Variants in ARHGAP24 observed in about 807,000 individuals in gnomAD.
The protein encoded by ARHGAP24 is Rho GTPase activating protein 24.
ARHGAP24 carries 50 observed loss-of-function variants against 76.4 expected under a neutral mutation model. The ratio of observed to expected loss-of-function variants is 0.65; its 90% CI spans 0.52 to 0.83. The LOEUF (loss-of-function observed/expected upper bound fraction) is 0.83, where lower values mean the gene tolerates loss of function less well. Ranked by LOEUF, ARHGAP24 falls within the 40% of genes least tolerant of loss-of-function variation. The pLI, the probability that ARHGAP24 is intolerant of heterozygous loss-of-function variation, is 0.00. For synonymous variants in ARHGAP24, 345 were observed against 323.3 expected (o/e 1.07, Z -0.72); for missense variants, 930 against 914.2 (o/e 1.02, Z -0.22).
intron 2 of ARHGAP24, among the ~76,000 whole-genome samples, chr4:85,573,377 A>C (rs1406472725): frequency 6.6e-6 from 1 of 152,166 alleles, no homozygotes; most frequent in African/African-American, 2.4e-5. Flanking sequence ...TGAGTGGCCT[A>C]ATTTCTTCCC....
chr4:85,608,296 A>G lies in ARHGAP24; in HGVS notation c.180+37575A>G, dbSNP rs182853052. On this transcript the variant is annotated intron_variant, in intron 2 of 9. Coordinates refer to ENST00000395184, the MANE Select transcript of ARHGAP24 (RefSeq NM_001025616.3). ...ATATGGAATTTTTTTAAGGATGCCA[A>G]TTACCTAATGCATCTCTATTTTTGT... Among the ~76,000 whole-genome samples the G allele has an allele frequency of 7.2e-5, 11 of 152,266 alleles. No individual in the cohort carries two copies. In the East Asian group the frequency reaches 1.5e-3, roughly 21 times the overall value.
At chr4:85,687,183 G>C (rs1176512353) in intron 2 of ARHGAP24, among the ~76,000 whole-genome samples, 1 of 152,076 alleles carries the variant, frequency 6.6e-6, no homozygotes, top group African/African-American at 2.4e-5. Flanking sequence ...TTGTAAAGAT[G>C]CTTAGTTTGG....
chr4:85,928,844 A>G (rs1736163688), intron 4 of ARHGAP24, among the ~76,000 whole-genome samples: 2 of 152,088 alleles, frequency 1.3e-5, no homozygotes, highest in Non-Finnish European at 2.9e-5. Context: ...TCTGCCTCCT[A>G]ATGAAAAGAG....
chr4:85,779,045 C>G, intron 3 of ARHGAP24: 1 of 924,864 alleles, frequency 1.1e-6, no homozygotes, highest in East Asian at 1.2e-4. Flanking sequence ...ACCTTTTTTT[C>G]CTCCCTCTTC....
chr4:85,665,954 T>C (rs537193977), intron 2 of ARHGAP24, among the ~76,000 whole-genome samples: 6 of 152,236 alleles, frequency 3.9e-5, no homozygotes, highest in Non-Finnish European at 8.8e-5. Context: ...TAACATTTTT[T>C]CCTTCATTTC....
chr4:85,818,890 C>G (rs1179749429), intron 3 of ARHGAP24, among the ~76,000 whole-genome samples: 1 of 152,164 alleles, frequency 6.6e-6, no homozygotes, highest in Non-Finnish European at 1.5e-5. Flanking sequence ...GTGACCACTT[C>G]CTCATTCTTT....
intron 2 of ARHGAP24, among the ~76,000 whole-genome samples, chr4:85,585,792 T>C (rs1298413156): frequency 6.6e-6 from 1 of 152,196 alleles, no homozygotes; most frequent in African/African-American, 2.4e-5. Context: ...AAAAGTCCAG[T>C]CTGGAGCATG....
intron 3 of ARHGAP24, among the ~76,000 whole-genome samples, chr4:85,922,995 C>T (rs1031559181): frequency 1.3e-5 from 2 of 152,106 alleles, no homozygotes; most frequent in African/African-American, 2.4e-5. Flanking sequence ...CCCTTAGGTG[C>T]GAGAGCCATT....
At chr4:85,547,637 G>A (rs1725969877) in intron 1 of ARHGAP24, among the ~76,000 whole-genome samples, 1 of 151,958 alleles carries the variant, frequency 6.6e-6, no homozygotes, top group South Asian at 2.1e-4. Flanking sequence ...TTTTCATTAT[G>A]TTGCCCCAGG....
chr4:85,961,974 G>A (rs1004915218), intron 5 of ARHGAP24, among the ~76,000 whole-genome samples: 5 of 152,054 alleles, frequency 3.3e-5, no homozygotes, highest in Admixed American at 2.6e-4. Context: ...AGAGCTTAGC[G>A]AAGGGAAAAA....
intron 9 of ARHGAP24, among the ~76,000 whole-genome samples, chr4:85,999,587 T>C (rs958721015): frequency 1.3e-5 from 2 of 152,210 alleles, no homozygotes; most frequent in Non-Finnish European, 2.9e-5. Context: ...CATGGGACTT[T>C]TGCTCAGAAT....
intron 4 of ARHGAP24, among the ~76,000 whole-genome samples, chr4:85,927,692 A>G (rs1168824496): frequency 6.6e-6 from 1 of 152,250 alleles, no homozygotes; most frequent in Non-Finnish European, 1.5e-5. Context: ...CAATCACAGT[A>G]TACCACCTTT....
At chr4:85,931,345 G>C (rs1736321751) in intron 4 of ARHGAP24, among the ~76,000 whole-genome samples, 1 of 152,120 alleles carries the variant, frequency 6.6e-6, no homozygotes, top group African/African-American at 2.4e-5. Context: ...GGAGGGGCCA[G>C]AGTGATCTTG....
At chr4:85,487,306 T>TTAATTATTTAC (rs1487347981) in intron 1 of ARHGAP24, among the ~76,000 whole-genome samples, 2 of 120,912 alleles carry the variant, frequency 1.7e-5, no homozygotes, top group African/African-American at 6.6e-5. Flanking sequence ...TATATATTTA[T>TTAATTATTTAC]TATATATAAA....
intron 2 of ARHGAP24, among the ~76,000 whole-genome samples, chr4:85,590,351 T>TTTTTA (rs923245868): frequency 1.5e-4 from 23 of 151,582 alleles, no homozygotes; most frequent in East Asian, 3.9e-4. Flanking sequence ...TCCTTTTTAT[T>TTTTTA]TTTTATTTTA....
At chr4:85,761,048 G>A (rs1020854908) in intron 3 of ARHGAP24, among the ~76,000 whole-genome samples, 9 of 152,022 alleles carry the variant, frequency 5.9e-5, no homozygotes, top group Admixed American at 3.3e-4. Flanking sequence ...TTGTACTGTC[G>A]ACAGGAAAAA....
At chr4:85,578,798 A>C (rs1727491286) in intron 2 of ARHGAP24, among the ~76,000 whole-genome samples, 1 of 152,148 alleles carries the variant, frequency 6.6e-6, no homozygotes, top group South Asian at 2.1e-4. Flanking sequence ...GGATACATTA[A>C]CACAGCAGTT....
chr4:85,489,828 AACTT>A (rs557708325), intron 1 of ARHGAP24, among the ~76,000 whole-genome samples: 55 of 152,320 alleles, frequency 3.6e-4, no homozygotes, highest in Admixed American at 1.0e-3. Flanking sequence ...TGAGGGTTAG[AACTT>A]ACTTGTTTAG....
chr4:85,487,983 G>A (rs993559351), intron 1 of ARHGAP24, among the ~76,000 whole-genome samples: 3 of 147,168 alleles, frequency 2.0e-5, no homozygotes, highest in Admixed American at 7.1e-5. Flanking sequence ...TCGGCTCACT[G>A]CAAGCTCTGC....
Sources: allele counts gnomAD v4.1 joint callset (sites outside exome capture counted in the v4.1 genomes callset), GRCh38; gene constraint gnomAD v4.1.1; transcripts MANE v1.5; gene names NCBI Gene and HGNC (gene_info 2026-07-23, HGNC 2026-07-21).